HIVEP3: variants seen among roughly 807,000 people sequenced by gnomAD.
The protein encoded by HIVEP3 is transcription factor HIVEP3.
HIVEP3 carries 49 observed loss-of-function variants against 152.8 expected under a neutral mutation model. The ratio of observed to expected loss-of-function variants is 0.32; its 90% CI spans 0.26 to 0.41. The LOEUF (loss-of-function observed/expected upper bound fraction) is 0.41, where lower values mean the gene tolerates loss of function less well. Ranked by LOEUF, HIVEP3 falls within the 10% of genes least tolerant of loss-of-function variation. HIVEP3 has a pLI of 1.00. For missense variants in HIVEP3, 2,790 were observed against 3,103.3 expected, an observed-to-expected ratio of 0.90 and a Z score of 2.40; for synonymous variants, 1,269 against 1,289.0, an observed-to-expected ratio of 0.98 and a Z score of 0.33.
intron 2 of HIVEP3, among the ~76,000 whole-genome samples, chr1:41,681,584 C>A (rs1646039476): frequency 6.6e-6 from 1 of 152,192 alleles, no homozygotes; most frequent in African/African-American, 2.4e-5. Flanking sequence ...GAGGACAAGG[C>A]ACCCTTGCAC....
intron 5 of HIVEP3, among the ~76,000 whole-genome samples, chr1:41,545,114 CACT>C (rs1235996173): frequency 2.1e-5 from 3 of 139,574 alleles, no homozygotes; most frequent in Admixed American, 7.0e-5. Flanking sequence ...CCACCACCAC[CACT>C]ACCATCATCA....
chr1:42,035,569 G>T (rs991307366), intron 1 of HIVEP3, among the ~76,000 whole-genome samples: 2 of 152,084 alleles, frequency 1.3e-5, no homozygotes, highest in Non-Finnish European at 2.9e-5. Context: ...GCCCGGGAAG[G>T]GGGGCTCGGG....
intron 1 of HIVEP3, among the ~76,000 whole-genome samples, chr1:41,782,547 C>T (rs1228227385): frequency 6.6e-6 from 1 of 152,050 alleles, no homozygotes; most frequent in Admixed American, 6.6e-5. Flanking sequence ...GCCTGGCCAA[C>T]ATGGTGAAAC....
chr1:41,747,184 T>C (rs1032178818), intron 1 of HIVEP3, among the ~76,000 whole-genome samples: 10 of 152,126 alleles, frequency 6.6e-5, no homozygotes, highest in African/African-American at 1.2e-4. Context: ...TAAGTGCCAA[T>C]AGGCAGACCT....
chr1:41,898,646 G>T (rs1339246315), intron 1 of HIVEP3, among the ~76,000 whole-genome samples: 2 of 152,218 alleles, frequency 1.3e-5, no homozygotes, highest in Non-Finnish European at 2.9e-5. Flanking sequence ...CGTGGAATAA[G>T]TCCTCTCTGA....
chr1:41,780,107 A>G (rs991238406), intron 1 of HIVEP3, among the ~76,000 whole-genome samples: 2 of 152,228 alleles, frequency 1.3e-5, no homozygotes, highest in African/African-American at 4.8e-5. Flanking sequence ...TTGCAGATCA[A>G]TGATCAGGGA....
chr1:41,800,161 G>C (rs1456239190), intron 1 of HIVEP3, among the ~76,000 whole-genome samples: 1 of 152,210 alleles, frequency 6.6e-6, no homozygotes, highest in Non-Finnish European at 1.5e-5. Context: ...AGAGGATATA[G>C]TAAACTATTG....
intron 1 of HIVEP3, among the ~76,000 whole-genome samples, chr1:41,810,600 C>G (rs1650896582): frequency 6.6e-6 from 1 of 152,244 alleles, no homozygotes; most frequent in African/African-American, 2.4e-5. Context: ...GCTTATGCTT[C>G]TGCCTCATGC....
intron 6 of HIVEP3, among the ~76,000 whole-genome samples, chr1:41,524,364 G>A (rs1056594321): frequency 2.0e-4 from 30 of 152,186 alleles, no homozygotes; most frequent in Non-Finnish European, 7.4e-5. Context: ...CATGGATGCT[G>A]GAGTGTCTCA....
chr1:41,604,482 G>A (rs1423752847), intron 3 of HIVEP3, among the ~76,000 whole-genome samples: 2 of 152,212 alleles, frequency 1.3e-5, no homozygotes, highest in South Asian at 2.1e-4. Flanking sequence ...TATTGTCAAC[G>A]TGATAGTATT....
intron 5 of HIVEP3, among the ~76,000 whole-genome samples, chr1:41,554,920 G>A (rs1041477313): frequency 6.6e-5 from 10 of 152,190 alleles, no homozygotes; most frequent in Non-Finnish European, 1.5e-4. Flanking sequence ...CCTACTGGGA[G>A]GTGTCTCCCA....
chr1:41,607,613 A>C (rs1434376503), intron 3 of HIVEP3, among the ~76,000 whole-genome samples: 1 of 145,006 alleles, frequency 6.9e-6, no homozygotes, highest in African/African-American at 2.6e-5. Flanking sequence ...TCTTTTTTCC[A>C]TTTTAGGCCT....
chr1:41,588,420 C>G (rs1330857591), intron 3 of HIVEP3, among the ~76,000 whole-genome samples: 1 of 152,124 alleles, frequency 6.6e-6, no homozygotes, highest in Non-Finnish European at 1.5e-5. Flanking sequence ...CAGGACTCTA[C>G]ATTGCTTAGT....
intron 7 of HIVEP3, 110 bp downstream of exon 7, chr1:41,518,292 A>G: frequency 1.1e-6 from 1 of 871,644 alleles, no homozygotes; most frequent in Non-Finnish European, 2.0e-6. Context: ...GAGGAGGGGG[A>G]ATGGGGCAAA....
At chr1:41,940,118 G>A (rs1353741136) in intron 1 of HIVEP3, among the ~76,000 whole-genome samples, 1 of 152,094 alleles carries the variant, frequency 6.6e-6, no homozygotes, top group African/African-American at 2.4e-5. Flanking sequence ...ATTCTTAACA[G>A]CATTTATCTC....
At chr1:42,023,344 T>C (rs547373701) in intron 1 of HIVEP3, among the ~76,000 whole-genome samples, 131 of 152,316 alleles carry the variant, frequency 8.6e-4, no homozygotes, top group African/African-American at 3.1e-3. Flanking sequence ...TGGAATTTTA[T>C]TTAAGCCCTT....
rs140901554 is a variant in HIVEP3, at chr1:41,538,020, G to C, written c.5208-13110C>G. Among the ~76,000 whole-genome samples the C allele has an allele frequency of 2.1e-3, 326 of 152,338 alleles. 1 individual carries two copies. Among genetic ancestry groups the C allele is most frequent in the South Asian group, 5.2e-3 (25 of 4,824 alleles). On this transcript the variant is annotated intron_variant, in intron 5 of 8. Transcript: ENST00000372583. ...AAACCCTGACCTTGGTCTCAAGTGT[G>C]ACTAACAGGCACTTAAAAGATCGTA...
chr1:42,017,654 A>G (rs1010643530), intron 1 of HIVEP3, among the ~76,000 whole-genome samples: 11 of 152,140 alleles, frequency 7.2e-5, no homozygotes, highest in African/African-American at 2.7e-4. Flanking sequence ...TTATTTATCT[A>G]TTCTACTGTC....
At chr1:41,646,604 G>C (rs530795823) in intron 2 of HIVEP3, among the ~76,000 whole-genome samples, 1 of 152,304 alleles carries the variant, frequency 6.6e-6, no homozygotes, top group African/African-American at 2.4e-5. Context: ...GGCCAACGGG[G>C]ACCCATGAGG....
Sources: gnomAD v4.1 joint callset for allele counts (sites outside exome capture counted in the v4.1 genomes callset) on GRCh38, gnomAD v4.1.1 for gene constraint, MANE v1.5 for transcripts, NCBI Gene and HGNC (gene_info 2026-07-23, HGNC 2026-07-21) for gene names.